ZNF320: variants seen among roughly 807,000 people sequenced by gnomAD.
ZNF320 encodes zinc finger gene 320.
In ZNF320, 2 loss-of-function variants were observed where a neutral mutation model predicts 6.8. That is an observed-to-expected ratio of 0.29 (90% CI 0.12 to 0.93). ZNF320 has a LOEUF of 0.93. Ranked by LOEUF, ZNF320 falls within the 40% of genes least tolerant of loss-of-function variation. The pLI is 0.55. For missense variants in ZNF320, 472 were observed against 611.0 expected (o/e 0.77, Z 2.40); for synonymous variants, 208 against 203.2 (o/e 1.02, Z -0.20).
At position 52,867,404 on chromosome 19, in the gene ZNF320, G is replaced by A. The variant is rs192462119; in HGVS notation, c.224-3245C>T. ...GTATAGACGGGGTTTCACCATGTTGGCCAGGCTGGTCTTGAACTCCTGACC... is the reference window on the plus strand; with the variant it reads ...GTATAGACGGGGTTTCACCATGTTGACCAGGCTGGTCTTGAACTCCTGACC... On this transcript the variant is annotated intron_variant, in intron 5 of 5. Transcript: ENST00000673631. Among the ~76,000 whole-genome samples, 770 of 152,044 alleles carry A rather than the reference G, an allele frequency of 5.1e-3. 9 individuals are homozygous for A. The highest frequency in any genetic ancestry group is 0.017 in the African/African-American group (689 of 41,452).
At chr19:52,899,750 C>T (rs1036655343), upstream of ZNF320, among the ~76,000 whole-genome samples, 8 of 152,198 alleles carry the variant, frequency 5.3e-5, no homozygotes, top group Admixed American at 1.3e-4. Context: ...CGTGAGCCAC[C>T]GCGCCCGGTG....
At chr19:52,885,294 G>A (rs920917383) in intron 5 of ZNF320, among the ~76,000 whole-genome samples, 2 of 152,012 alleles carry the variant, frequency 1.3e-5, no homozygotes, top group Middle Eastern at 3.2e-3. Context: ...TAAAAAAAAC[G>A]GGTAGGCTGG....
At chr19:52,883,148 TCTC>T (rs1475481824) in intron 5 of ZNF320, among the ~76,000 whole-genome samples, 23 of 151,806 alleles carry the variant, frequency 1.5e-4, no homozygotes, top group Admixed American at 1.5e-3. Context: ...TTCAAGCGAG[TCTC>T]TTGCCTCAGC....
intron 5 of ZNF320, among the ~76,000 whole-genome samples, chr19:52,883,477 T>C (rs1472398094): frequency 6.6e-6 from 1 of 152,080 alleles, no homozygotes; most frequent in African/African-American, 2.4e-5. Flanking sequence ...TTCTAAACAA[T>C]TCCCTCTTAA....
At chr19:52,888,560 G>A (rs2064179234) in intron 4 of ZNF320, 1 of 178,788 alleles carries the variant, frequency 5.6e-6, no homozygotes, top group Admixed American at 6.3e-5. Flanking sequence ...GACCTTGATG[G>A]TGGAGGTTTC....
intron 5 of ZNF320, chr19:52,865,434 T>TTATTTATA (rs1555814107): frequency 6.5e-5 from 10 of 152,784 alleles, no homozygotes; most frequent in African/African-American, 3.2e-4. Context: ...GGTCCAGGCT[T>TTATTTATA]TATATATATA....
downstream of ZNF320, among the ~76,000 whole-genome samples, chr19:52,872,194 A>G (rs370278057): frequency 2.7e-4 from 41 of 152,336 alleles, no homozygotes; most frequent in South Asian, 2.9e-3. Context: ...CTTAAAAAAG[A>G]AAGTTTGGAG....
chr19:52,900,905 T>TA (rs1266770120), upstream of ZNF320, among the ~76,000 whole-genome samples: 7 of 124,422 alleles, frequency 5.6e-5, no homozygotes. Flanking sequence ...TCTTGACAGA[T>TA]ATACTTATTT....
At chr19:52,890,896 A>G (rs147900920) in intron 3 of ZNF320, among the ~76,000 whole-genome samples, 240 of 151,888 alleles carry the variant, frequency 1.6e-3, no homozygotes, top group African/African-American at 5.7e-3. Flanking sequence ...CATGCCTGTA[A>G]TACTAGCACT....
rs1433604987 is a variant in ZNF320, at chr19:52,891,297, G to C, written c.-142C>G. 6.6e-6 allele frequency: 1 copy of C among 152,052 alleles called. No individual in the cohort carries two copies. The highest frequency in any genetic ancestry group is 6.6e-5 in the Admixed American group (1 of 15,252). The allele number at this position is 152,052 out of a possible 1,614,324, so 9.4% of individuals were successfully genotyped here. ...GAACCCAGGAGACAGAGGTTGCAGTGAGCCAAGATCAGGAGACTGCACTCA... is the reference window on the plus strand; with the variant it reads ...GAACCCAGGAGACAGAGGTTGCAGTCAGCCAAGATCAGGAGACTGCACTCA... On this transcript the variant is annotated 5_prime_UTR_variant, in exon 3 of 6. Transcript: ENST00000682928.
intron 5 of ZNF320, among the ~76,000 whole-genome samples, chr19:52,867,060 G>C (rs927836612): frequency 6.6e-6 from 1 of 151,508 alleles, no homozygotes; most frequent in Non-Finnish European, 1.5e-5. Context: ...TTGATAAACT[G>C]GGATCAGAGA....
At chr19:52,883,953 G>A (rs1398216785) in intron 5 of ZNF320, among the ~76,000 whole-genome samples, 1 of 152,052 alleles carries the variant, frequency 6.6e-6, no homozygotes, top group African/African-American at 2.4e-5. Context: ...TGGTAGATGT[G>A]GTATTCTCTA....
chr19:52,878,133 T>TG lies in ZNF320; in HGVS notation c.*2462_*2463insC. The stretch of plus-strand genomic sequence containing the variant: ...CAGCATGAATATGTGTGCCATCTCA[T>TG]ATGCAATTCCTTATAGATCCAGCTT... On this transcript the variant is annotated 3_prime_UTR_variant, in exon 6 of 6. Transcript: ENST00000682928. The TG allele has an allele frequency of 4.8e-6, 1 of 209,480 alleles. No homozygotes were observed. The highest frequency in any genetic ancestry group is 8.7e-5 in the South Asian group (1 of 11,532). 13.0% of individuals were successfully genotyped at this position (209,480 alleles called of 1,614,324 possible). A position where few individuals can be genotyped will look rare whatever the true frequency, so the allele number is the denominator to read the frequency against.
At chr19:52,886,769 C>G (rs2064091975) in intron 5 of ZNF320, among the ~76,000 whole-genome samples, 1 of 152,020 alleles carries the variant, frequency 6.6e-6, no homozygotes, top group African/African-American at 2.4e-5. Flanking sequence ...AACCCCATCT[C>G]TACTAAAAAC....
Position 52,887,148 on chromosome 19 carries a change from G to A in ZNF320, c.142+979C>T, listed in dbSNP as rs868062769. 4.6e-5 allele frequency among the ~76,000 whole-genome samples: 7 copies of A among 152,220 alleles called. 1 individual carries two copies. The highest frequency in any genetic ancestry group is 6.8e-3 in the Middle Eastern group (2 of 294). ...GCCACAGAATTCTCCCACTTGCAGA[G>A]AGTTTCCCCACACACTATTTGAAGG... is the stretch of plus-strand genomic sequence containing the variant. On this transcript the variant is annotated intron_variant, in intron 5 of 5. Transcript: ENST00000682928.
chr19:52,870,007 C>T (rs944641630), intron 5 of ZNF320, among the ~76,000 whole-genome samples: 5 of 151,426 alleles, frequency 3.3e-5, no homozygotes, highest in Admixed American at 2.0e-4. Context: ...TCAGCCACAG[C>T]GCCCATCCTA....
At chr19:52,883,386 T>C (rs888421171) in intron 5 of ZNF320, among the ~76,000 whole-genome samples, 1 of 151,730 alleles carries the variant, frequency 6.6e-6, no homozygotes, top group Non-Finnish European at 1.5e-5. Flanking sequence ...ACGAAGGGAG[T>C]GTGTCAGTTA....
At chr19:52,903,445 A>C in the ZNF320 span, among the ~76,000 whole-genome samples, 1 of 151,972 alleles carries the variant, frequency 6.6e-6, no homozygotes, top group East Asian at 1.9e-4. Flanking sequence ...GAGGTCTAAA[A>C]CCAGGTGTAA....
chr19:52,869,537 G>A (rs1288998159), intron 5 of ZNF320, among the ~76,000 whole-genome samples: 1 of 151,882 alleles, frequency 6.6e-6, no homozygotes, highest in Non-Finnish European at 1.5e-5. Flanking sequence ...AATAATGACA[G>A]GTTTTTTTTC....
Sources: gnomAD v4.1 joint callset for allele counts (sites outside exome capture counted in the v4.1 genomes callset) on GRCh38, gnomAD v4.1.1 for gene constraint, MANE v1.5 for transcripts, NCBI Gene and HGNC (gene_info 2026-07-23, HGNC 2026-07-21) for gene names.